The following SH2D1B variants were observed in gnomAD, a reference collection of about 807,000 sequenced individuals.
SH2D1B encodes SH2 domain-containing protein 1B.
SH2D1B carries 11 observed loss-of-function variants against 16.3 expected under a neutral mutation model. The ratio of observed to expected loss-of-function variants is 0.67; its 90% CI spans 0.42 to 1.11. SH2D1B has a LOEUF of 1.11. Among genes scored for constraint, SH2D1B ranks in the 50% most tolerant of loss-of-function variants. The pLI is 0.00. For missense variants in SH2D1B, 123 were observed against 153.1 expected, an observed-to-expected ratio of 0.80 and a Z score of 1.04; for synonymous variants, 55 against 56.1, an observed-to-expected ratio of 0.98 and a Z score of 0.09.
chr1:162,403,132 C>T (rs1306616243), intron 1 of SH2D1B, among the ~76,000 whole-genome samples: 3 of 152,006 alleles, frequency 2.0e-5, no homozygotes, highest in African/African-American at 7.3e-5. Flanking sequence ...TTGTACAATG[C>T]TGATGGGAAT....
In SH2D1B at chr1:162,400,928, A is replaced by G. The variant is rs189726031; in HGVS notation, c.198+1811T>C. On this transcript the variant is annotated intron_variant, in intron 2 of 3. Transcript: ENST00000367929. ...ACGCCACTGCACTCCAGTCTGGGTGACAGCAAGACTCTGTCTTACACACCC... is the reference window on the plus strand; with the variant it reads ...ACGCCACTGCACTCCAGTCTGGGTGGCAGCAAGACTCTGTCTTACACACCC... 3.5e-3 allele frequency among the ~76,000 whole-genome samples: 540 copies of G among 152,294 alleles called. 5 individuals are homozygous for G. The highest frequency in any genetic ancestry group is 0.012 in the African/African-American group (513 of 41,568).
At position 162,395,784 on chromosome 1, in the gene SH2D1B, C is replaced by T. The variant is rs865782728; in HGVS notation, c.*1496G>A. 5 of 152,120 alleles carry T rather than the reference C, an allele frequency of 3.3e-5. No homozygotes were observed. Among genetic ancestry groups the T allele is most frequent in the Middle Eastern group, 3.4e-3 (1 of 294 alleles). 9.4% of individuals were successfully genotyped at this position (152,120 alleles called of 1,614,324 possible). ...ATAGGAATTAATCTAACAGAATATA[C>T]AAGACTTCAGTTGGGAAAATTTATG... On this transcript the variant is annotated 3_prime_UTR_variant, in exon 4 of 4. Transcript: ENST00000367929.
At chr1:162,399,411 G>T (rs190559654) in intron 2 of SH2D1B, among the ~76,000 whole-genome samples, 1 of 152,198 alleles carries the variant, frequency 6.6e-6, no homozygotes, top group African/African-American at 2.4e-5. Flanking sequence ...AAGGGCTTAC[G>T]TCTGTACCTA....
Position 162,395,937 on chromosome 1 carries a change from A to G in SH2D1B, c.*1343T>C, listed in dbSNP as rs1377455948. The G allele has an allele frequency of 6.6e-6, 1 of 152,226 alleles. No homozygotes were observed. The highest frequency in any genetic ancestry group is 1.5e-5 in the Non-Finnish European group (1 of 68,038). The allele number at this position is 152,226 out of a possible 1,614,324, so 9.4% of individuals were successfully genotyped here. A position where few individuals can be genotyped will look rare whatever the true frequency, so the allele number is the denominator to read the frequency against. ...TGTTGCAAGTTCATTAAAAATTCCA[A>G]AAAGAGGTTTTAAGCAATTTCACGT... On this transcript the variant is annotated 3_prime_UTR_variant, in exon 4 of 4. Transcript: ENST00000367929.
chr1:162,403,123 T>C (rs1648562738), intron 1 of SH2D1B, among the ~76,000 whole-genome samples: 1 of 152,074 alleles, frequency 6.6e-6, no homozygotes, highest in Non-Finnish European at 1.5e-5. Flanking sequence ...GGAAAACCCT[T>C]GTACAATGCT....
chr1:162,406,432 G>A (rs2101862790), intron 1 of SH2D1B, among the ~76,000 whole-genome samples: 1 of 152,232 alleles, frequency 6.6e-6, no homozygotes, highest in Non-Finnish European at 1.5e-5. Context: ...TACAATTATG[G>A]AGAAAACAGG....
chr1:162,410,896 T>C (rs1648779517), intron 1 of SH2D1B, among the ~76,000 whole-genome samples: 1 of 151,920 alleles, frequency 6.6e-6, no homozygotes, highest in African/African-American at 2.4e-5. Context: ...CCTCAGGTGA[T>C]TCACCTGCCT....
intron 1 of SH2D1B, among the ~76,000 whole-genome samples, chr1:162,408,583 G>T (rs415883): frequency 0.3 from 44,662 of 151,202 alleles, 6,749 homozygotes; most frequent in East Asian, 0.43. Flanking sequence ...CAGCTAATTA[G>T]TTTTGTATTT....
chr1:162,408,446 C>T (rs1648704853), intron 1 of SH2D1B, among the ~76,000 whole-genome samples: 2 of 143,670 alleles, frequency 1.4e-5, no homozygotes, highest in Admixed American at 1.4e-4. Flanking sequence ...TCAAGTCTCG[C>T]TCTGTAACCC....
chr1:162,403,063 C>T (rs746228507), intron 1 of SH2D1B, among the ~76,000 whole-genome samples: 11 of 152,008 alleles, frequency 7.2e-5, no homozygotes, highest in Admixed American at 3.9e-4. Context: ...CACCCACCAT[C>T]ATGCCCGTTA....
At position 162,395,832 on chromosome 1, in the gene SH2D1B, A is replaced by G. The variant is rs1342549497; in HGVS notation, c.*1448T>C. 1 of 152,244 alleles carries G rather than the reference A, an allele frequency of 6.6e-6. No individual in the cohort carries two copies. Among genetic ancestry groups the G allele is most frequent in the Non-Finnish European group, 1.5e-5 (1 of 68,036 alleles). 9.4% of individuals were successfully genotyped at this position (152,244 alleles called of 1,614,324 possible). ...ATGACTCCATGAAAGGGCAAAAAAGATGACCCAAGAACATGGATGTGGCAT... is the reference window on the plus strand; with the variant it reads ...ATGACTCCATGAAAGGGCAAAAAAGGTGACCCAAGAACATGGATGTGGCAT... On this transcript the variant is annotated 3_prime_UTR_variant, in exon 4 of 4. Coordinates refer to ENST00000367929, the MANE Select transcript of SH2D1B (RefSeq NM_053282.5).
rs201403301 is a variant in SH2D1B at position 162,412,023 on chromosome 1, C to T, written c.-7G>A. On this transcript the variant is annotated 5_prime_UTR_variant, in exon 1 of 4. Transcript: ENST00000367929. ...GGTAGTAAGGCAGATCCATGGAGAA[C>T]GCTCTTGTATCCCAGGAAGCCCTGT... 8.7e-4 allele frequency: 1,411 copies of T among 1,614,044 alleles called. 5 individuals carry two copies. The highest frequency in any genetic ancestry group is 1.7e-3 in the South Asian group (156 of 91,070).
At chr1:162,408,697 A>T (rs1353154123) in intron 1 of SH2D1B, among the ~76,000 whole-genome samples, 3 of 151,974 alleles carry the variant, frequency 2.0e-5, no homozygotes, top group Admixed American at 6.5e-5. Flanking sequence ...TACAGGTGTG[A>T]GCCACCACGC....
At chr1:162,398,439 G>A (rs949209227) in intron 3 of SH2D1B, among the ~76,000 whole-genome samples, 2 of 152,210 alleles carry the variant, frequency 1.3e-5, no homozygotes, top group African/African-American at 4.8e-5. Flanking sequence ...TCTGCACTCA[G>A]ATTTACTGAC....
chr1:162,404,131 T>C (rs1370245721), intron 1 of SH2D1B, among the ~76,000 whole-genome samples: 1 of 152,122 alleles, frequency 6.6e-6, no homozygotes, highest in Non-Finnish European at 1.5e-5. Flanking sequence ...AGGTCAGGAA[T>C]TCAAGACCAG....
chr1:162,406,459 A>G (rs1393162746), intron 1 of SH2D1B, among the ~76,000 whole-genome samples: 1 of 152,224 alleles, frequency 6.6e-6, no homozygotes, highest in Non-Finnish European at 1.5e-5. Flanking sequence ...GCCATCATGT[A>G]TAATGAACCA....
chr1:162,398,883 G>T, intron 3 of SH2D1B, 40 bp downstream of exon 3: 1 of 1,590,288 alleles, frequency 6.3e-7, no homozygotes, highest in Non-Finnish European at 8.6e-7. Flanking sequence ...GTGGAAATAG[G>T]ATTAAGATTG....
intron 1 of SH2D1B, among the ~76,000 whole-genome samples, chr1:162,403,512 ATATATATAT>A (rs1301164797): frequency 0.024 from 421 of 17,678 alleles, 6 homozygotes; most frequent in Admixed American, 0.065. Context: ...AAAAAAAAAA[ATATATATAT>A]ATATATATAT....
Position 162,395,536 on chromosome 1 carries a change from G to A in SH2D1B, c.*1744C>T, listed in dbSNP as rs1004520553. On this transcript the variant is annotated 3_prime_UTR_variant, in exon 4 of 4. Coordinates refer to ENST00000367929, the MANE Select transcript of SH2D1B (RefSeq NM_053282.5). ...TATGAACTGTTTAATGTATACAGGA[G>A]GCCCTAACCAATGGGTAAACATAAA... is the stretch of plus-strand genomic sequence containing the variant. 1 of 152,170 alleles carries A rather than the reference G, an allele frequency of 6.6e-6. No homozygotes were observed. Among genetic ancestry groups the A allele is most frequent in the African/African-American group, 2.4e-5 (1 of 41,448 alleles). The allele number at this position is 152,170 out of a possible 1,614,324, so 9.4% of individuals were successfully genotyped here.
Sources: allele counts gnomAD v4.1 joint callset (sites outside exome capture counted in the v4.1 genomes callset), GRCh38; gene constraint gnomAD v4.1.1; transcripts MANE v1.5; gene names NCBI Gene and HGNC (gene_info 2026-07-23, HGNC 2026-07-21).